USH2A: variants seen among roughly 807,000 people sequenced by gnomAD.
USH2A encodes the protein usherin, also known as Usher syndrome 2A (autosomal recessive, mild).
USH2A carries 443 observed loss-of-function variants against 538.9 expected under a neutral mutation model. The observed-to-expected ratio is 0.82, with a 90% CI of 0.76 to 0.89. USH2A has a LOEUF of 0.89. Among genes scored for constraint, USH2A ranks in the 40% least tolerant of loss-of-function variants. The pLI, the probability that USH2A is intolerant of heterozygous loss-of-function variation, is 0.00. For synonymous variants in USH2A, 2,413 were observed against 2,273.5 expected (o/e 1.06, Z -1.75); for missense variants, 6,633 against 6,324.8 (o/e 1.05, Z -1.65).
At chr1:216,113,246 T>G (rs79619760) in intron 21 of USH2A, among the ~76,000 whole-genome samples, 3,772 of 152,088 alleles carry the variant, frequency 0.025, 169 homozygotes, top group African/African-American at 0.084. Flanking sequence ...GCCCATAGAT[T>G]CCTACTCTTA....
At chr1:215,629,681 G>A (rs1256624633) in intron 70 of USH2A, among the ~76,000 whole-genome samples, 6 of 151,552 alleles carry the variant, frequency 4.0e-5, no homozygotes, top group Non-Finnish European at 5.9e-5. Context: ...CCTAGAACGC[G>A]CCGTAAGATA....
intron 35 of USH2A, among the ~76,000 whole-genome samples, chr1:215,987,614 T>C (rs1203074907): frequency 1.3e-5 from 2 of 152,148 alleles, no homozygotes; most frequent in Non-Finnish European, 2.9e-5. Flanking sequence ...TAGGTGTGAA[T>C]CAAGTGATAA....
At chr1:215,862,617 C>G (rs1664349806) in intron 44 of USH2A, among the ~76,000 whole-genome samples, 1 of 152,062 alleles carries the variant, frequency 6.6e-6, no homozygotes, top group Non-Finnish European at 1.5e-5. Context: ...AACTTCCAAG[C>G]TTTTACTAGA....
At chr1:216,340,888 A>T (rs916919995) in intron 4 of USH2A, among the ~76,000 whole-genome samples, 2 of 152,160 alleles carry the variant, frequency 1.3e-5, no homozygotes, top group African/African-American at 4.8e-5. Flanking sequence ...AGCCAATATT[A>T]TACTGAATGG....
At chr1:216,286,011 T>A (rs1193323998) in intron 11 of USH2A, among the ~76,000 whole-genome samples, 1 of 152,184 alleles carries the variant, frequency 6.6e-6, no homozygotes, top group Non-Finnish European at 1.5e-5. Context: ...ATGCCTTGCC[T>A]CAGATGAGAC....
At chr1:215,897,178 T>C (rs1665368986) in intron 40 of USH2A, among the ~76,000 whole-genome samples, 1 of 152,172 alleles carries the variant, frequency 6.6e-6, no homozygotes, top group Admixed American at 6.6e-5. Flanking sequence ...GATTTCTCTT[T>C]GTGGTTTCAC....
At chr1:216,066,236 C>T (rs932471167) in intron 30 of USH2A, among the ~76,000 whole-genome samples, 2 of 151,818 alleles carry the variant, frequency 1.3e-5, no homozygotes, top group Non-Finnish European at 2.9e-5. Flanking sequence ...TTTGGGAGGC[C>T]AAGGTGGGTG....
intron 14 of USH2A, among the ~76,000 whole-genome samples, chr1:216,230,049 G>C (rs2035645664): frequency 1.3e-5 from 2 of 152,186 alleles, no homozygotes; most frequent in African/African-American, 4.8e-5. Context: ...GACTGACAAA[G>C]GGGATGAGTA....
intron 9 of USH2A, among the ~76,000 whole-genome samples, chr1:216,307,170 G>A (rs998786784): frequency 2.0e-5 from 3 of 152,082 alleles, no homozygotes; most frequent in Non-Finnish European, 2.9e-5. Flanking sequence ...AGGGCAGGTA[G>A]AGAAAGGCCA....
At chr1:216,127,282 T>TGA (rs2033274750) in intron 21 of USH2A, among the ~76,000 whole-genome samples, 3 of 151,916 alleles carry the variant, frequency 2.0e-5, no homozygotes, top group Non-Finnish European at 2.9e-5. Context: ...TTCATAAATG[T>TGA]ACTCATTGAT....
intron 16 of USH2A, among the ~76,000 whole-genome samples, chr1:216,202,932 A>T (rs1054957537): frequency 4.6e-5 from 7 of 152,192 alleles, no homozygotes; most frequent in Admixed American, 3.3e-4. Flanking sequence ...CTGCTTCAAC[A>T]TTTATATATT....
intron 21 of USH2A, among the ~76,000 whole-genome samples, chr1:216,097,563 G>T (rs1315282582): frequency 6.6e-6 from 1 of 152,146 alleles, no homozygotes; most frequent in African/African-American, 2.4e-5. Flanking sequence ...ATGGGTTTTT[G>T]ACAAGAGTGA....
intron 2 of USH2A, 139 bp from the exon 3 acceptor site, chr1:216,418,818 T>C (rs1196028018): frequency 7.8e-6 from 6 of 771,476 alleles, no homozygotes; most frequent in Non-Finnish European, 1.1e-5. Flanking sequence ...TGCCTGAATG[T>C]CATTATATTC....
intron 57 of USH2A, 83 bp from the exon 58 acceptor site, chr1:215,758,835 C>T (rs1291062092): frequency 1.1e-5 from 16 of 1,470,172 alleles, no homozygotes; most frequent in Non-Finnish European, 1.5e-5. Context: ...GTATCAATTG[C>T]TTAGTCCTAA....
At chr1:215,805,503 G>A (rs899623067) in intron 49 of USH2A, among the ~76,000 whole-genome samples, 9 of 152,020 alleles carry the variant, frequency 5.9e-5, no homozygotes, top group African/African-American at 2.2e-4. Flanking sequence ...TCTAGAGATG[G>A]ATGGTGGTAA....
intron 61 of USH2A, 31 bp from the exon 62 acceptor site, chr1:215,680,407 T>C: frequency 1.6e-4 from 1 of 6,448 alleles, no homozygotes; most frequent in Non-Finnish European, 3.8e-4. Flanking sequence ...TAAGTTGTTG[T>C]TTTTTTTTTT....
chr1:215,766,883 A>G, intron 55 of USH2A, 95 bp from the exon 56 acceptor site: 1 of 1,166,014 alleles, frequency 8.6e-7, no homozygotes, highest in East Asian at 2.4e-5. Flanking sequence ...TAGATATGAT[A>G]GCCAAAACAT....
chr1:216,038,797 A>C (rs1327356154), intron 32 of USH2A, among the ~76,000 whole-genome samples: 1 of 152,076 alleles, frequency 6.6e-6, no homozygotes, highest in East Asian at 1.9e-4. Flanking sequence ...TGCTGAAAAT[A>C]ACAGGACACC....
chr1:215,739,935 T>C (rs926641950), intron 60 of USH2A, among the ~76,000 whole-genome samples: 7 of 152,192 alleles, frequency 4.6e-5, no homozygotes, highest in African/African-American at 1.7e-4. Flanking sequence ...CAAAGGATGT[T>C]GAAGAGGTGC....
Sources: gnomAD v4.1 joint callset for allele counts (sites outside exome capture counted in the v4.1 genomes callset) on GRCh38, gnomAD v4.1.1 for gene constraint, MANE v1.5 for transcripts, NCBI Gene and HGNC (gene_info 2026-07-23, HGNC 2026-07-21) for gene names.